Variants in ATP9B observed in about 807,000 individuals in gnomAD.
The protein encoded by ATP9B is probable phospholipid-transporting ATPase IIB.
ATP9B carries 110 observed loss-of-function variants against 146.1 expected under a neutral mutation model. That is an observed-to-expected ratio of 0.75 (90% CI 0.65 to 0.88). ATP9B has a LOEUF of 0.88. Among genes scored for constraint, ATP9B ranks in the 40% least tolerant of loss-of-function variants. The pLI, the probability that ATP9B is intolerant of heterozygous loss-of-function variation, is 0.00. For synonymous variants in ATP9B, 604 were observed against 569.7 expected, an observed-to-expected ratio of 1.06 and a Z score of -0.86; for missense variants, 1,499 against 1,496.4, an observed-to-expected ratio of 1.00 and a Z score of -0.03.
intron 15 of ATP9B, among the ~76,000 whole-genome samples, chr18:79,326,712 A>T (rs1045728288): frequency 3.3e-5 from 5 of 152,234 alleles, no homozygotes; most frequent in Non-Finnish European, 7.3e-5. Context: ...CTGGAAAATC[A>T]TGCTAGAGGT....
chr18:79,257,332 C>T (rs1259162119), intron 12 of ATP9B, among the ~76,000 whole-genome samples: 1 of 152,170 alleles, frequency 6.6e-6, no homozygotes, highest in Non-Finnish European at 1.5e-5. Context: ...TACAAGGCAG[C>T]AAGGTAAGTG....
At chr18:79,113,753 A>C (rs1227618363) in intron 4 of ATP9B, among the ~76,000 whole-genome samples, 1 of 152,178 alleles carries the variant, frequency 6.6e-6, no homozygotes, top group African/African-American at 2.4e-5. Flanking sequence ...GAAGTATCCA[A>C]GTGCAGTACG....
intron 20 of ATP9B, 49 bp downstream of exon 20, chr18:79,342,415 C>T: frequency 7.9e-7 from 1 of 1,265,934 alleles, no homozygotes; most frequent in Non-Finnish European, 1.1e-6. Context: ...TTGTCTCACA[C>T]AAACGAAGCC....
intron 1 of ATP9B, among the ~76,000 whole-genome samples, chr18:79,081,568 G>T (rs2073264847): frequency 6.7e-6 from 1 of 150,314 alleles, no homozygotes; most frequent in Admixed American, 6.6e-5. Flanking sequence ...ACCAGCTCCT[G>T]GGTATTCATT....
intron 4 of ATP9B, among the ~76,000 whole-genome samples, chr18:79,114,601 A>G (rs2094032461): frequency 1.3e-5 from 2 of 152,218 alleles, no homozygotes; most frequent in African/African-American, 4.8e-5. Flanking sequence ...TCTTTCACAT[A>G]GACTTCATAG....
chr18:79,110,212 A>ACC, intron 2 of ATP9B, 143 bp from the exon 3 acceptor site: 1 of 738,954 alleles, frequency 1.4e-6, no homozygotes. Flanking sequence ...TATAAGAAAA[A>ACC]CCCCACAAAT....
chr18:79,303,230 C>T (rs946640144), intron 13 of ATP9B, among the ~76,000 whole-genome samples: 8 of 152,052 alleles, frequency 5.3e-5, no homozygotes, highest in Admixed American at 3.3e-4. Context: ...GGTGTGTTGT[C>T]GTGCGCCTGT....
intron 7 of ATP9B, among the ~76,000 whole-genome samples, chr18:79,158,938 A>G (rs57304401): frequency 0.13 from 20,493 of 152,052 alleles, 1,466 homozygotes; most frequent in East Asian, 0.2. Context: ...GAAGTTTGTC[A>G]CTATTTCTCT....
intron 17 of ATP9B, among the ~76,000 whole-genome samples, chr18:79,335,759 A>G (rs2096821132): frequency 1.3e-5 from 2 of 152,248 alleles, no homozygotes; most frequent in South Asian, 4.1e-4. Flanking sequence ...CACGTTAAAA[A>G]TAGAGCAAGA....
chr18:79,303,547 G>A, intron 13 of ATP9B, 57 bp from the exon 14 acceptor site: 1 of 1,408,608 alleles, frequency 7.1e-7, no homozygotes, highest in Non-Finnish European at 1.0e-6. Context: ...TAGGAAAGCT[G>A]GGTGTTCCCG....
intron 2 of ATP9B, among the ~76,000 whole-genome samples, chr18:79,099,068 A>T (rs1034679178): frequency 6.6e-6 from 1 of 151,728 alleles, no homozygotes; most frequent in Non-Finnish European, 1.5e-5. Context: ...ATTTTGTTTG[A>T]CTTTAACTCG....
At chr18:79,071,399 C>CTT (rs56119715) in intron 1 of ATP9B, among the ~76,000 whole-genome samples, 11 of 69,282 alleles carry the variant, frequency 1.6e-4, no homozygotes, top group South Asian at 1.2e-3. Flanking sequence ...ATTGTTCTTC[C>CTT]TTTTTTTTTT....
chr18:79,288,775 G>A (rs1334259591), intron 13 of ATP9B, among the ~76,000 whole-genome samples: 1 of 152,160 alleles, frequency 6.6e-6, no homozygotes, highest in African/African-American at 2.4e-5. Context: ...TCCATGTTTA[G>A]TGCATCCTTC....
chr18:79,259,712 A>G (rs920269664), intron 12 of ATP9B, among the ~76,000 whole-genome samples: 2 of 152,186 alleles, frequency 1.3e-5, no homozygotes, highest in Admixed American at 1.3e-4. Context: ...CAGATGGAAG[A>G]CCAAAAGTGT....
chr18:79,181,245 C>T (rs1421194805), intron 8 of ATP9B, among the ~76,000 whole-genome samples: 3 of 152,192 alleles, frequency 2.0e-5, no homozygotes, highest in African/African-American at 7.2e-5. Context: ...CCACTTTATC[C>T]TCTGTGCCTT....
At chr18:79,329,915 A>T (rs1362595454) in intron 16 of ATP9B, 97 bp from the exon 17 acceptor site, 36 of 1,089,530 alleles carry the variant, frequency 3.3e-5, no homozygotes, top group Admixed American at 3.1e-4. Flanking sequence ...CATTCATAGG[A>T]ATTGCTTTTT....
At chr18:79,324,698 T>C (rs1303254144) in intron 15 of ATP9B, among the ~76,000 whole-genome samples, 9 of 151,940 alleles carry the variant, frequency 5.9e-5, no homozygotes, top group Non-Finnish European at 1.3e-4. Context: ...GAGTAAAGGC[T>C]CTTTTCCCTT....
intron 1 of ATP9B, chr18:79,095,733 T>G (rs766814223): frequency 5.9e-5 from 9 of 152,186 alleles, no homozygotes; most frequent in Non-Finnish European, 1.2e-4. Context: ...GAATCACCAT[T>G]ATAGTTTCTG....
At chr18:79,094,229 T>G (rs1214583989) in intron 1 of ATP9B, among the ~76,000 whole-genome samples, 1 of 152,190 alleles carries the variant, frequency 6.6e-6, no homozygotes, top group Non-Finnish European at 1.5e-5. Context: ...CTGTGCTTAT[T>G]TGGGTTTGGG....
Sources: allele counts gnomAD v4.1 joint callset (sites outside exome capture counted in the v4.1 genomes callset), GRCh38; gene constraint gnomAD v4.1.1; transcripts MANE v1.5; gene names NCBI Gene and HGNC (gene_info 2026-07-23, HGNC 2026-07-21).